The following SHISA6 variants were observed in gnomAD, a reference collection of about 807,000 sequenced individuals.
SHISA6 encodes shisa family member 6.
SHISA6 carries 22 observed loss-of-function variants against 47.9 expected under a neutral mutation model. That is an observed-to-expected ratio of 0.46 (90% CI 0.33 to 0.66). The LOEUF is 0.66. SHISA6 is among the 30% of genes least tolerant of loss of function. SHISA6 has a pLI of 0.02. For synonymous variants in SHISA6, 388 were observed against 337.8 expected (o/e 1.15, Z -1.63); for missense variants, 680 against 764.6 (o/e 0.89, Z 1.30).
intron 2 of SHISA6, among the ~76,000 whole-genome samples, chr17:11,269,413 C>T (rs533421557): frequency 6.6e-5 from 10 of 152,282 alleles, no homozygotes; most frequent in Admixed American, 2.6e-4. Context: ...CATGGGTCAG[C>T]GCAGCCAGGG....
chr17:11,435,061 A>G, intron 3 of SHISA6, among the ~76,000 whole-genome samples: 1 of 152,126 alleles, frequency 6.6e-6, no homozygotes, highest in East Asian at 1.9e-4. Context: ...GGGCCCTAAT[A>G]ATGGGATTAG....
At chr17:11,411,430 TC>T (rs1368282569) in intron 3 of SHISA6, among the ~76,000 whole-genome samples, 17 of 152,030 alleles carry the variant, frequency 1.1e-4, no homozygotes, top group Admixed American at 1.0e-3. Flanking sequence ...GGAGTCTCAC[TC>T]TGTAGCCCAG....
chr17:11,461,010 T>C (rs1915676027), intron 3 of SHISA6, among the ~76,000 whole-genome samples: 1 of 152,276 alleles, frequency 6.6e-6, no homozygotes, highest in Admixed American at 6.5e-5. Context: ...GATTATCTAC[T>C]AGTTTCTGTC....
chr17:11,545,106 T>C (rs1426794091), intron 3 of SHISA6, among the ~76,000 whole-genome samples: 1 of 151,070 alleles, frequency 6.6e-6, no homozygotes, highest in African/African-American at 2.4e-5. Context: ...ATTCATAATA[T>C]CCCCAAACTG....
chr17:11,539,362 C>T (rs576571109), intron 3 of SHISA6, among the ~76,000 whole-genome samples: 1 of 152,358 alleles, frequency 6.6e-6, no homozygotes, highest in African/African-American at 2.4e-5. Context: ...TTTGTTATAT[C>T]TGCCATTGAA....
At chr17:11,417,305 G>A (rs1164781041) in intron 3 of SHISA6, among the ~76,000 whole-genome samples, 5 of 152,008 alleles carry the variant, frequency 3.3e-5, no homozygotes, top group Non-Finnish European at 4.4e-5. Flanking sequence ...CCAAGAAATG[G>A]TTGATTCCGA....
At chr17:11,271,923 T>C (rs532364862) in intron 2 of SHISA6, among the ~76,000 whole-genome samples, 1 of 152,238 alleles carries the variant, frequency 6.6e-6, no homozygotes, top group South Asian at 2.1e-4. Flanking sequence ...CCTGGGGATA[T>C]GTTCAGCCTC....
chr17:11,336,012 A>C (rs1911306816), intron 2 of SHISA6, among the ~76,000 whole-genome samples: 1 of 150,972 alleles, frequency 6.6e-6, no homozygotes, highest in Admixed American at 6.6e-5. Context: ...GCCTGGCTAA[A>C]ACATGGTGAA....
intron 2 of SHISA6, among the ~76,000 whole-genome samples, chr17:11,330,484 G>T (rs1326702673): frequency 1.7e-5 from 1 of 57,156 alleles, no homozygotes; most frequent in Non-Finnish European, 4.0e-5. Flanking sequence ...TGAGAGTAAT[G>T]CTAGGGAGAG....
chr17:11,306,997 G>T (rs1334219205), intron 2 of SHISA6, among the ~76,000 whole-genome samples: 1 of 152,140 alleles, frequency 6.6e-6, no homozygotes, highest in Non-Finnish European at 1.5e-5. Flanking sequence ...ATCTCCTGAT[G>T]TTCAGAATAT....
chr17:11,325,376 C>T (rs754281109), intron 2 of SHISA6, among the ~76,000 whole-genome samples: 1 of 152,238 alleles, frequency 6.6e-6, no homozygotes, highest in Non-Finnish European at 1.5e-5. Flanking sequence ...TTACCCTCCC[C>T]ACTGCTGCGG....
At chr17:11,444,208 A>G (rs534737426) in intron 3 of SHISA6, among the ~76,000 whole-genome samples, 1 of 152,236 alleles carries the variant, frequency 6.6e-6, no homozygotes, top group Admixed American at 6.5e-5. Flanking sequence ...AGTCCCCACT[A>G]CTCAGGAGGC....
At position 11,558,938 on chromosome 17, in the gene SHISA6, G is replaced by T; in HGVS notation, c.*634G>T. 6.5e-6 allele frequency: 1 copy of T among 153,628 alleles called. No homozygotes were observed. Among genetic ancestry groups the T allele is most frequent in the Non-Finnish European group, 1.5e-5 (1 of 68,770 alleles). The allele number at this position is 153,628 out of a possible 1,614,324, so 9.5% of individuals were successfully genotyped here. ...TGCTGACCCCTGAGGGCCCAACCCT[G>T]GCCCTGTGCCCCTCCCCTCAACTCC... On this transcript the variant is annotated 3_prime_UTR_variant, in exon 6 of 6. Coordinates refer to ENST00000441885, the MANE Select transcript of SHISA6 (RefSeq NM_207386.4).
intron 2 of SHISA6, among the ~76,000 whole-genome samples, chr17:11,337,758 T>C (rs769664990): frequency 1.3e-5 from 2 of 152,178 alleles, no homozygotes; most frequent in African/African-American, 2.4e-5. Context: ...ACTGTTTGCC[T>C]GTCTTCACCA....
chr17:11,495,157 A>T (rs2071397980), intron 3 of SHISA6, among the ~76,000 whole-genome samples: 1 of 152,100 alleles, frequency 6.6e-6, no homozygotes, highest in South Asian at 2.1e-4. Context: ...TCGGGGTGAA[A>T]GCATCTTGCC....
At chr17:11,442,303 C>T (rs1246145854) in intron 3 of SHISA6, among the ~76,000 whole-genome samples, 1 of 152,042 alleles carries the variant, frequency 6.6e-6, no homozygotes. Flanking sequence ...GCACCTGATC[C>T]TTTTGGGTCT....
chr17:11,398,538 T>C (rs926183553), intron 3 of SHISA6, among the ~76,000 whole-genome samples: 1 of 152,194 alleles, frequency 6.6e-6, no homozygotes, highest in Non-Finnish European at 1.5e-5. Context: ...TTTCCAGTAT[T>C]TTCATACTTA....
At chr17:11,534,148 CTTTTTTTTCTT>C (rs1222413521) in intron 3 of SHISA6, among the ~76,000 whole-genome samples, 92 of 101,192 alleles carry the variant, frequency 9.1e-4, no homozygotes, top group African/African-American at 3.8e-3. Flanking sequence ...CCTTGCTAAT[CTTTTTTTTCTT>C]TTTTTTTTTT....
chr17:11,379,722 A>T (rs2142245241), intron 3 of SHISA6: 1 of 408,508 alleles, frequency 2.4e-6, no homozygotes, highest in South Asian at 3.0e-5. Context: ...TCCAAGAGAC[A>T]CCCATCCCAC....
Sources: allele counts gnomAD v4.1 joint callset (sites outside exome capture counted in the v4.1 genomes callset), GRCh38; gene constraint gnomAD v4.1.1; transcripts MANE v1.5; gene names NCBI Gene and HGNC (gene_info 2026-07-23, HGNC 2026-07-21).